Variants in BFSP2 observed in about 807,000 individuals in gnomAD.
BFSP2 encodes beaded filament structural protein 2, also known as phakinin.
Under a neutral mutation model 44.9 loss-of-function variants are expected in BFSP2, and 38 were observed. That is an observed-to-expected ratio of 0.85 (90% CI 0.65 to 1.11). BFSP2 has a LOEUF of 1.11. BFSP2 is among the 50% of genes least tolerant of loss of function. The probability of loss-of-function intolerance (pLI) is 0.00; values close to 1 mark genes in which losing one functional copy is unlikely to be tolerated. For synonymous variants in BFSP2, 197 were observed against 209.9 expected (o/e 0.94, Z 0.53); for missense variants, 525 against 533.0 (o/e 0.99, Z 0.15).
intron 4 of BFSP2, among the ~76,000 whole-genome samples, chr3:133,461,607 A>G (rs1277261956): frequency 6.6e-6 from 1 of 152,242 alleles, no homozygotes; most frequent in African/African-American, 2.4e-5. Flanking sequence ...ACAGAAATAG[A>G]GTTATAATAA....
chr3:133,465,945 T>C (rs1248973398), intron 4 of BFSP2, among the ~76,000 whole-genome samples: 2 of 152,202 alleles, frequency 1.3e-5, no homozygotes, highest in African/African-American at 4.8e-5. Context: ...AGAAACAATC[T>C]GAGTGTCCAC....
At chr3:133,409,704 C>T (rs530320839) in intron 1 of BFSP2, among the ~76,000 whole-genome samples, 1 of 152,304 alleles carries the variant, frequency 6.6e-6, no homozygotes, top group African/African-American at 2.4e-5. Flanking sequence ...TTCAAAGAAG[C>T]TCCCACTAAC....
At position 133,411,896 on chromosome 3, in the gene BFSP2, A is replaced by G. The variant is rs116124315; in HGVS notation, c.489+11324A>G. Reference sequence around the variant, plus strand: ...ATACAGTAAAAGAGACTAAATTAACATATCAGCCCATCAAAATGGGCTTTA... The same window carrying G: ...ATACAGTAAAAGAGACTAAATTAACGTATCAGCCCATCAAAATGGGCTTTA... On this transcript the variant is annotated intron_variant, in intron 1 of 6. Transcript: ENST00000302334. Among the ~76,000 whole-genome samples the G allele has an allele frequency of 1.9e-3, 297 of 152,352 alleles. 1 individual carries two copies. Among genetic ancestry groups the G allele is most frequent in the African/African-American group, 6.9e-3 (286 of 41,576 alleles).
chr3:133,431,005 C>A (rs1241517705), intron 1 of BFSP2, among the ~76,000 whole-genome samples: 1 of 152,112 alleles, frequency 6.6e-6, no homozygotes, highest in Non-Finnish European at 1.5e-5. Context: ...GTTAATGCTC[C>A]TTTTTCTTTA....
chr3:133,440,823 C>T (rs2107915886), intron 1 of BFSP2, among the ~76,000 whole-genome samples: 1 of 152,260 alleles, frequency 6.6e-6, no homozygotes, highest in Admixed American at 6.5e-5. Context: ...TTCCCAGCCA[C>T]AGCATAGTCT....
intron 1 of BFSP2, among the ~76,000 whole-genome samples, chr3:133,426,761 C>T (rs1051674682): frequency 3.9e-5 from 6 of 152,212 alleles, no homozygotes; most frequent in Non-Finnish European, 8.8e-5. Context: ...CCCTCTTCTG[C>T]GTGGGAGGAA....
intron 1 of BFSP2, among the ~76,000 whole-genome samples, chr3:133,424,212 ATTTTTTTTTT>A (rs112772093): frequency 6.0e-4 from 39 of 64,774 alleles, no homozygotes; most frequent in Non-Finnish European, 1.3e-3. Flanking sequence ...CGTCCAGCTA[ATTTTTTTTTT>A]TTTTTTTTTT....
At chr3:133,415,386 CTCCACAAACCCCT>C (rs1280266290) in intron 1 of BFSP2, among the ~76,000 whole-genome samples, 3 of 130,212 alleles carry the variant, frequency 2.3e-5, no homozygotes, top group African/African-American at 3.1e-5. Flanking sequence ...GCCCTCTCCC[CTCCACAAACCCCT>C]CTACTCACCC....
chr3:133,419,692 T>G (rs940605550), intron 1 of BFSP2, among the ~76,000 whole-genome samples: 9 of 152,252 alleles, frequency 5.9e-5, no homozygotes, highest in Non-Finnish European at 2.9e-5. Flanking sequence ...CGCATGAGGC[T>G]GGGCGGCTTC....
rs562088524 is a variant in BFSP2 at position 133,453,925 on chromosome 3, G to A, written c.891+3461G>A. On this transcript the variant is annotated intron_variant, in intron 4 of 6. Transcript: ENST00000302334. ...AGTATTCATATTCTTTCCAGCTATG[G>A]TGTTACGAATGTCAGGAACCTCATG... Among the ~76,000 whole-genome samples the A allele has an allele frequency of 2.0e-5, 3 of 152,316 alleles. No homozygotes were observed. The East Asian group carries it at 5.8e-4, about 29-fold the overall frequency.
intron 5 of BFSP2, among the ~76,000 whole-genome samples, chr3:133,467,219 C>T (rs1297886678): frequency 6.6e-6 from 1 of 152,200 alleles, no homozygotes; most frequent in Non-Finnish European, 1.5e-5. Context: ...GCAGCCGCCC[C>T]TTTTCAGCTG....
chr3:133,457,880 T>A (rs1386571015), intron 4 of BFSP2, among the ~76,000 whole-genome samples: 1 of 152,254 alleles, frequency 6.6e-6, no homozygotes, highest in African/African-American at 2.4e-5. Context: ...AGAATTTGTT[T>A]AGCCTGTTCC....
chr3:133,438,607 G>A (rs1319004934), intron 1 of BFSP2, among the ~76,000 whole-genome samples: 1 of 152,040 alleles, frequency 6.6e-6, no homozygotes, highest in Admixed American at 6.5e-5. Flanking sequence ...GGAAAGTGTG[G>A]GTCAGGGAAA....
At chr3:133,430,716 C>A (rs1258457307) in intron 1 of BFSP2, among the ~76,000 whole-genome samples, 2 of 152,162 alleles carry the variant, frequency 1.3e-5, no homozygotes, top group Non-Finnish European at 2.9e-5. Flanking sequence ...AATCTTCCTT[C>A]TTTCCCTCCC....
intron 1 of BFSP2, among the ~76,000 whole-genome samples, chr3:133,446,873 G>A (rs1335784447): frequency 6.6e-6 from 1 of 151,612 alleles, no homozygotes; most frequent in African/African-American, 2.4e-5. Context: ...TGCAGACAGA[G>A]CATTTCCACC....
At chr3:133,469,782 G>A (rs565228747) in intron 5 of BFSP2, among the ~76,000 whole-genome samples, 28 of 152,296 alleles carry the variant, frequency 1.8e-4, no homozygotes, top group Non-Finnish European at 3.8e-4. Context: ...AGCTGGATTC[G>A]GACTTTAAGG....
At chr3:133,471,049 T>C (rs920050203) in intron 5 of BFSP2, among the ~76,000 whole-genome samples, 14 of 152,152 alleles carry the variant, frequency 9.2e-5, no homozygotes, top group African/African-American at 2.9e-4. Context: ...ACTGGAAGTG[T>C]TGATGCTGCT....
At chr3:133,448,722 G>C in intron 3 of BFSP2, 77 bp downstream of exon 3, 1 of 1,547,218 alleles carries the variant, frequency 6.5e-7, no homozygotes, top group Non-Finnish European at 8.8e-7. Context: ...TCATAACAAG[G>C]CCACAGTAGC....
intron 1 of BFSP2, among the ~76,000 whole-genome samples, chr3:133,439,111 T>A (rs548469091): frequency 1.3e-5 from 2 of 152,324 alleles, no homozygotes; most frequent in South Asian, 2.1e-4. Context: ...GATGTAGGGA[T>A]GAAATGAGAT....
Sources: allele counts gnomAD v4.1 joint callset (sites outside exome capture counted in the v4.1 genomes callset), GRCh38; gene constraint gnomAD v4.1.1; transcripts MANE v1.5; gene names NCBI Gene and HGNC (gene_info 2026-07-23, HGNC 2026-07-21).